Variants in CACNA2D2 observed in about 807,000 individuals in gnomAD.
CACNA2D2 encodes the protein voltage-dependent calcium channel subunit alpha-2/delta-2.
A neutral mutation model predicts 166.4 loss-of-function variants in CACNA2D2; 48 were observed. That is an observed-to-expected ratio of 0.29 (90% CI 0.23 to 0.37). The LOEUF is 0.37. Ranked by LOEUF, CACNA2D2 falls within the 10% of genes least tolerant of loss-of-function variation. The probability of loss-of-function intolerance (pLI) is 1.00; values close to 1 mark genes in which losing one functional copy is unlikely to be tolerated. For missense variants in CACNA2D2, 1,122 were observed against 1,433.0 expected, an observed-to-expected ratio of 0.78 and a Z score of 3.50; for synonymous variants, 561 against 573.7, an observed-to-expected ratio of 0.98 and a Z score of 0.32.
At chr3:50,458,179 T>C (rs1010100817) in intron 2 of CACNA2D2, among the ~76,000 whole-genome samples, 2 of 152,226 alleles carry the variant, frequency 1.3e-5, no homozygotes, top group East Asian at 3.8e-4. Context: ...CGCTGCTGGC[T>C]GCGTAAGCCA....
At chr3:50,490,330 G>A (rs1422084704) in intron 1 of CACNA2D2, among the ~76,000 whole-genome samples, 1 of 152,164 alleles carries the variant, frequency 6.6e-6, no homozygotes, top group Non-Finnish European at 1.5e-5. Context: ...GCTGGGCAGA[G>A]GGTGAGGATC....
At chr3:50,496,544 G>A (rs1464312343) in intron 1 of CACNA2D2, among the ~76,000 whole-genome samples, 1 of 152,232 alleles carries the variant, frequency 6.6e-6, no homozygotes, top group Non-Finnish European at 1.5e-5. Flanking sequence ...ATGGGTGCTG[G>A]GTGCTATGGA....
intron 3 of CACNA2D2, among the ~76,000 whole-genome samples, chr3:50,395,949 G>T (rs1448270717): frequency 1.3e-5 from 2 of 152,062 alleles, no homozygotes; most frequent in Non-Finnish European, 2.9e-5. Context: ...GGCCCTCCTG[G>T]CCTCTGCTTC....
intron 2 of CACNA2D2, among the ~76,000 whole-genome samples, chr3:50,451,934 G>A (rs141634219): frequency 3.0e-4 from 45 of 152,322 alleles, no homozygotes; most frequent in African/African-American, 9.6e-4. Flanking sequence ...GCGCTGGCAA[G>A]AGGCATAACC....
intron 3 of CACNA2D2, among the ~76,000 whole-genome samples, chr3:50,411,245 C>A (rs916805757): frequency 6.6e-6 from 1 of 152,242 alleles, no homozygotes; most frequent in African/African-American, 2.4e-5. Flanking sequence ...CCAGCCCTCA[C>A]ACCAGCCTGT....
At chr3:50,495,414 C>T (rs1194519669) in intron 1 of CACNA2D2, among the ~76,000 whole-genome samples, 1 of 152,196 alleles carries the variant, frequency 6.6e-6, no homozygotes. Flanking sequence ...GAAAGCAAAA[C>T]TCTCAGACAA....
chr3:50,478,018 C>T (rs535335449), intron 1 of CACNA2D2, among the ~76,000 whole-genome samples: 1 of 151,942 alleles, frequency 6.6e-6, no homozygotes, highest in Non-Finnish European at 1.5e-5. Context: ...TCACTAATTG[C>T]AATTTGCCAA....
chr3:50,415,726 A>G (rs1233097501), intron 3 of CACNA2D2: 1 of 152,222 alleles, frequency 6.6e-6, no homozygotes, highest in Non-Finnish European at 1.5e-5. Context: ...GTTTTTCCCC[A>G]TTCCAGAGGG....
chr3:50,390,570 T>C (rs587718322), intron 4 of CACNA2D2, among the ~76,000 whole-genome samples: 2 of 152,264 alleles, frequency 1.3e-5, no homozygotes, highest in African/African-American at 2.4e-5. Context: ...TCCCCTGACA[T>C]ACCCTGTGTT....
In CACNA2D2 at chr3:50,395,584, C is replaced by T. The variant is rs1256228533; in HGVS notation, c.406-1416G>A. ...CCTCACCCCCATCCTTGAGTCCAGG[C>T]CTGATATGGCATGTGGGCCCCAGAG... On this transcript the variant is annotated intron_variant, in intron 3 of 37. Coordinates refer to ENST00000424201, the MANE Select transcript of CACNA2D2 (RefSeq NM_006030.4). Among the ~76,000 whole-genome samples, 4 of 152,354 alleles carry T rather than the reference C, an allele frequency of 2.6e-5. No homozygotes were observed. In the South Asian group the frequency reaches 6.2e-4, roughly 24 times the overall value.
At chr3:50,424,701 A>C (rs1375364645) in intron 3 of CACNA2D2, among the ~76,000 whole-genome samples, 4 of 152,188 alleles carry the variant, frequency 2.6e-5, no homozygotes, top group Non-Finnish European at 4.4e-5. Context: ...AGCACACAGC[A>C]AGGGCCAGTG....
chr3:50,411,509 T>C (rs2106801139), intron 3 of CACNA2D2, among the ~76,000 whole-genome samples: 1 of 152,342 alleles, frequency 6.6e-6, no homozygotes, highest in South Asian at 2.1e-4. Context: ...GGAAATCTTG[T>C]GCGCCAGCTC....
rs1044758811 is a variant in CACNA2D2 at position 50,364,581 on chromosome 3, C to T, written c.*85G>A. 10 of 1,408,350 alleles carry T rather than the reference C, an allele frequency of 7.1e-6. No individual in the cohort carries two copies. Among genetic ancestry groups the T allele is most frequent in the Admixed American group, 2.8e-5 (1 of 35,182 alleles). The allele number at this position is 1,408,350 out of a possible 1,614,324, so 87.2% of individuals were successfully genotyped here. A position where few individuals can be genotyped will look rare whatever the true frequency, so the allele number is the denominator to read the frequency against. The stretch of plus-strand genomic sequence containing the variant: ...CCTTCAGTGAGGGAGGGACGAGGCT[C>T]TAAGGCGGGGAGTGTGGGGCAGGAG... On this transcript the variant is annotated 3_prime_UTR_variant, in exon 38 of 38. Transcript: ENST00000424201.
In CACNA2D2 at chr3:50,375,527, C is replaced by A; in HGVS notation, c.1907+117G>T. ...CATCTCAGGGTGAGTAGTGAGCAGC[C>A]CTGGCCACTGGTGCCCCACTGGGAT... On this transcript the variant is annotated intron_variant, in intron 21 of 37. Transcript: ENST00000424201. This position sits in a 1 kb window ranked among gnomAD's most constrained non-coding sequence, Gnocchi z 4.0. 9.2e-7 allele frequency: 1 copy of A among 1,084,308 alleles called. No homozygotes were observed. The allele number at this position is 1,084,308 out of a possible 1,614,324, so 67.2% of individuals were successfully genotyped here.
intron 3 of CACNA2D2, among the ~76,000 whole-genome samples, chr3:50,425,974 C>G (rs890997566): frequency 6.6e-6 from 1 of 152,190 alleles, no homozygotes; most frequent in Non-Finnish European, 1.5e-5. Flanking sequence ...CAGCAACCCC[C>G]AGTCGAGGTC....
At chr3:50,485,461 T>G (rs573135406) in intron 1 of CACNA2D2, among the ~76,000 whole-genome samples, 3 of 152,384 alleles carry the variant, frequency 2.0e-5, no homozygotes, top group Admixed American at 1.3e-4. Flanking sequence ...GGTGAGGTAG[T>G]TATAAATGTA....
At chr3:50,433,666 C>G (rs1708177026) in intron 3 of CACNA2D2, among the ~76,000 whole-genome samples, 2 of 152,194 alleles carry the variant, frequency 1.3e-5, no homozygotes, top group African/African-American at 4.8e-5. Flanking sequence ...CCCCATCCCA[C>G]CTACTCTCCC....
intron 2 of CACNA2D2, among the ~76,000 whole-genome samples, chr3:50,442,046 A>G (rs1332839711): frequency 6.6e-5 from 10 of 152,224 alleles, no homozygotes; most frequent in African/African-American, 1.9e-4. Flanking sequence ...CCAGGCTGCC[A>G]TCGTTAGATA....
chr3:50,406,969 T>C (rs1706742332), intron 3 of CACNA2D2, among the ~76,000 whole-genome samples: 1 of 151,878 alleles, frequency 6.6e-6, no homozygotes, highest in Admixed American at 6.6e-5. Flanking sequence ...TTGGGGAACC[T>C]GTAAACAAAT....
Sources: allele counts gnomAD v4.1 joint callset (sites outside exome capture counted in the v4.1 genomes callset), GRCh38; gene constraint gnomAD v4.1.1; non-coding constraint Gnocchi (gnomAD v3.1); transcripts MANE v1.5; gene names NCBI Gene and HGNC (gene_info 2026-07-23, HGNC 2026-07-21).